ADCY2: variants seen among roughly 807,000 people sequenced by gnomAD.
ADCY2 encodes adenylate cyclase 2.
ADCY2 carries 31 observed loss-of-function variants against 125.2 expected under a neutral mutation model. That is an observed-to-expected ratio of 0.25 (90% CI 0.19 to 0.33). The LOEUF (loss-of-function observed/expected upper bound fraction) is 0.33, where lower values mean the gene tolerates loss of function less well. Ranked by LOEUF, ADCY2 falls within the 10% of genes least tolerant of loss-of-function variation. ADCY2 has a pLI of 1.00. For synonymous variants in ADCY2, 512 were observed against 548.4 expected, an observed-to-expected ratio of 0.93 and a Z score of 0.93; for missense variants, 904 against 1,418.2, an observed-to-expected ratio of 0.64 and a Z score of 5.82.
chr5:7,702,059 CTGTT>C (rs1300790971), intron 7 of ADCY2, among the ~76,000 whole-genome samples: 3 of 151,962 alleles, frequency 2.0e-5, no homozygotes, highest in African/African-American at 4.8e-5. Context: ...CATTCCTCCT[CTGTT>C]TGTTTCATGT....
chr5:7,658,514 G>A (rs1051611784), intron 4 of ADCY2, among the ~76,000 whole-genome samples: 1 of 151,058 alleles, frequency 6.6e-6, no homozygotes, highest in African/African-American at 2.4e-5. Context: ...CTGCCTTCTG[G>A]GTTCAAGCGA....
At chr5:7,441,933 C>G (rs75775128) in intron 2 of ADCY2, among the ~76,000 whole-genome samples, 138 of 152,232 alleles carry the variant, frequency 9.1e-4, no homozygotes, top group African/African-American at 3.0e-3. Flanking sequence ...AGCCCGCCCT[C>G]GTCATGTTAG....
At chr5:7,612,219 G>A (rs1190042350) in intron 3 of ADCY2, among the ~76,000 whole-genome samples, 3 of 152,102 alleles carry the variant, frequency 2.0e-5, no homozygotes, top group Non-Finnish European at 2.9e-5. Flanking sequence ...CACCTAATTA[G>A]GTATTTAGAA....
chr5:7,742,003 A>T (rs1428694992), intron 14 of ADCY2, among the ~76,000 whole-genome samples: 1 of 151,960 alleles, frequency 6.6e-6, no homozygotes, highest in Non-Finnish European at 1.5e-5. Context: ...CCAAGAAGAT[A>T]TCGTTCATTC....
At chr5:7,822,386 C>T (rs978633257) in intron 24 of ADCY2, among the ~76,000 whole-genome samples, 2 of 152,174 alleles carry the variant, frequency 1.3e-5, no homozygotes, top group Non-Finnish European at 2.9e-5. Flanking sequence ...CATTATTACA[C>T]CAAGAAGCTA....
intron 2 of ADCY2, among the ~76,000 whole-genome samples, chr5:7,425,396 C>G (rs764616717): frequency 6.6e-6 from 1 of 152,172 alleles, no homozygotes; most frequent in Admixed American, 6.5e-5. Context: ...TGCTGTTGTT[C>G]TATCCCAAGA....
chr5:7,560,940 A>G (rs907505335), intron 3 of ADCY2, among the ~76,000 whole-genome samples: 1 of 152,160 alleles, frequency 6.6e-6, no homozygotes, highest in Non-Finnish European at 1.5e-5. Flanking sequence ...CACCTGCCTC[A>G]GCCTCCCAAA....
At chr5:7,590,383 C>T (rs934224252) in intron 3 of ADCY2, among the ~76,000 whole-genome samples, 6 of 152,020 alleles carry the variant, frequency 3.9e-5, no homozygotes, top group African/African-American at 9.7e-5. Context: ...CATACTGCTG[C>T]GAAATTAGAT....
chr5:7,476,548 C>T (rs184923210), intron 2 of ADCY2, among the ~76,000 whole-genome samples: 24 of 152,290 alleles, frequency 1.6e-4, no homozygotes, highest in African/African-American at 5.5e-4. Flanking sequence ...TAGGCCCCTT[C>T]CCTTTGGGTG....
intron 17 of ADCY2, among the ~76,000 whole-genome samples, chr5:7,767,547 A>T (rs1302255364): frequency 6.6e-6 from 1 of 152,190 alleles, no homozygotes; most frequent in African/African-American, 2.4e-5. Context: ...TGGGGACTGA[A>T]ATTGGTAATT....
intron 2 of ADCY2, among the ~76,000 whole-genome samples, chr5:7,451,945 T>A (rs1414680889): frequency 6.6e-6 from 1 of 152,180 alleles, no homozygotes; most frequent in African/African-American, 2.4e-5. Flanking sequence ...AGAGTCTTGC[T>A]CTATTGCCCA....
At chr5:7,471,370 TA>T (rs1212994000) in intron 2 of ADCY2, among the ~76,000 whole-genome samples, 4 of 150,554 alleles carry the variant, frequency 2.7e-5, no homozygotes, top group Non-Finnish European at 3.0e-5. Context: ...TTTAATGATT[TA>T]AAAAAATCTC....
chr5:7,579,109 G>A (rs535419546), intron 3 of ADCY2, among the ~76,000 whole-genome samples: 20 of 152,158 alleles, frequency 1.3e-4, no homozygotes, highest in East Asian at 7.7e-4. Context: ...TTTCACTTCC[G>A]TCAAGCCAAT....
intron 15 of ADCY2, among the ~76,000 whole-genome samples, chr5:7,744,273 C>T (rs1742530896): frequency 6.6e-6 from 1 of 151,790 alleles, no homozygotes; most frequent in Non-Finnish European, 1.5e-5. Context: ...CTAATGCATG[C>T]GGGGCATAAA....
chr5:7,434,860 G>A (rs916020125), intron 2 of ADCY2, among the ~76,000 whole-genome samples: 3 of 152,210 alleles, frequency 2.0e-5, no homozygotes, highest in Non-Finnish European at 4.4e-5. Flanking sequence ...GCTGTGGGAG[G>A]CCTGCATGGG....
intron 2 of ADCY2, among the ~76,000 whole-genome samples, chr5:7,453,841 GCCATCTTC>G (rs1741566590): frequency 6.6e-6 from 1 of 152,020 alleles, no homozygotes; most frequent in Non-Finnish European, 1.5e-5. Flanking sequence ...CTCACTTGGG[GCCATCTTC>G]CCTTATCAGC....
chr5:7,502,304 A>C (rs928500977), intron 2 of ADCY2, among the ~76,000 whole-genome samples: 1 of 152,050 alleles, frequency 6.6e-6, no homozygotes, highest in African/African-American at 2.4e-5. Flanking sequence ...GCTGTTCCCC[A>C]CCGAGCCCCA....
intron 19 of ADCY2, among the ~76,000 whole-genome samples, chr5:7,787,682 GTAGA>G (rs57694822): frequency 0.34 from 51,517 of 151,592 alleles, 8,977 homozygotes; most frequent in Admixed American, 0.47. Flanking sequence ...AGGTAGGTAG[GTAGA>G]TAGATAGGTA....
intron 2 of ADCY2, among the ~76,000 whole-genome samples, chr5:7,498,402 C>T (rs1270842308): frequency 1.3e-5 from 2 of 151,858 alleles, no homozygotes; most frequent in African/African-American, 4.8e-5. Context: ...GCGCCCCCCA[C>T]CGCACCTGGC....
Sources: gnomAD v4.1 joint callset for allele counts (sites outside exome capture counted in the v4.1 genomes callset) on GRCh38, gnomAD v4.1.1 for gene constraint, MANE v1.5 for transcripts, NCBI Gene and HGNC (gene_info 2026-07-23, HGNC 2026-07-21) for gene names.